Variants in NKAIN3 observed in about 807,000 individuals in gnomAD.
NKAIN3 encodes sodium/potassium transporting ATPase interacting 3, also known as sodium/potassium-transporting ATPase subunit beta-1-interacting protein 3.
Under a neutral mutation model 30.2 loss-of-function variants are expected in NKAIN3, and 25 were observed. That is an observed-to-expected ratio of 0.83 (90% CI 0.60 to 1.16). NKAIN3 has a LOEUF of 1.16. Ranked by LOEUF, NKAIN3 falls within the 50% of genes most tolerant of loss-of-function variation. The pLI is 0.00. For missense variants in NKAIN3, 225 were observed against 254.1 expected, an observed-to-expected ratio of 0.89 and a Z score of 0.78; for synonymous variants, 91 against 89.6, an observed-to-expected ratio of 1.02 and a Z score of -0.09.
At chr8:62,484,842 G>A (rs1430289543) in intron 1 of NKAIN3, among the ~76,000 whole-genome samples, 1 of 152,128 alleles carries the variant, frequency 6.6e-6, no homozygotes, top group African/African-American at 2.4e-5. Context: ...CAGCAAGCCA[G>A]GAACAGACCT....
At chr8:62,378,060 G>A (rs563868786) in intron 1 of NKAIN3, among the ~76,000 whole-genome samples, 1 of 152,176 alleles carries the variant, frequency 6.6e-6, no homozygotes, top group South Asian at 2.1e-4. Flanking sequence ...TTAGAGACTT[G>A]TTGAATTGCT....
At chr8:62,884,461 T>C (rs1199303034) in intron 4 of NKAIN3, among the ~76,000 whole-genome samples, 5 of 152,188 alleles carry the variant, frequency 3.3e-5, no homozygotes, top group Non-Finnish European at 7.3e-5. Flanking sequence ...TTCTCCATGT[T>C]GGTCAGGCTG....
chr8:62,975,918 T>G lies in NKAIN3; in HGVS notation c.*10511T>G, dbSNP rs560379401. ...TGTTGGTTTCAAAGAACTTATTTAT[T>G]TCTGCTGTGATCTCATTATTTTCCC... is the stretch of plus-strand genomic sequence containing the variant. On this transcript the variant is annotated 3_prime_UTR_variant, in exon 7 of 7. Coordinates refer to ENST00000623646, the MANE Select transcript of NKAIN3 (RefSeq NM_001304533.3). Among the ~76,000 whole-genome samples, 1 of 152,352 alleles carries G rather than the reference T, an allele frequency of 6.6e-6. No individual in the cohort carries two copies. Among genetic ancestry groups the G allele is most frequent in the South Asian group, 2.1e-4 (1 of 4,828 alleles).
At chr8:62,954,704 A>G (rs571903287) in intron 6 of NKAIN3, among the ~76,000 whole-genome samples, 1 of 152,344 alleles carries the variant, frequency 6.6e-6, no homozygotes, top group Admixed American at 6.5e-5. Flanking sequence ...GTATAAATTA[A>G]TAATAGCTAT....
chr8:62,455,930 GTA>G (rs1805805722), intron 1 of NKAIN3, among the ~76,000 whole-genome samples: 1 of 152,120 alleles, frequency 6.6e-6, no homozygotes, highest in Non-Finnish European at 1.5e-5. Flanking sequence ...TCAACCCTGT[GTA>G]TACTATGTTT....
intron 1 of NKAIN3, among the ~76,000 whole-genome samples, chr8:62,308,402 A>G (rs4319090): frequency 0.62 from 92,493 of 149,688 alleles, 29,686 homozygotes; most frequent in African/African-American, 0.68. Flanking sequence ...ACTAGTGAGA[A>G]CCTTAATTCA....
At position 62,430,366 on chromosome 8, in the gene NKAIN3, GGTGTGTGT is replaced by G. The variant is rs59837325; in HGVS notation, c.55-149139_55-149132del. 8.5e-3 allele frequency among the ~76,000 whole-genome samples: 1,213 copies of G among 142,548 alleles called. 14 individuals carry two copies. The highest frequency in any genetic ancestry group is 0.024 in the African/African-American group (942 of 38,772). The allele number at this position is 142,548 out of a possible 152,430, so 93.5% of individuals were successfully genotyped here. ...TCTGAGATACATACATATATATTGT[GGTGTGTGT>G]GTGTGTGTGTGTGTGTGTGTGTGTG... On this transcript the variant is annotated intron_variant, in intron 1 of 6. Coordinates refer to ENST00000623646, the MANE Select transcript of NKAIN3 (RefSeq NM_001304533.3).
intron 3 of NKAIN3, among the ~76,000 whole-genome samples, chr8:62,712,777 C>T (rs1814764064): frequency 6.6e-6 from 1 of 152,182 alleles, no homozygotes; most frequent in African/African-American, 2.4e-5. Flanking sequence ...TTACAAAGCT[C>T]AACTAGAGAT....
At chr8:62,609,218 T>G (rs1811215383) in intron 3 of NKAIN3, among the ~76,000 whole-genome samples, 1 of 152,134 alleles carries the variant, frequency 6.6e-6, no homozygotes, top group African/African-American at 2.4e-5. Context: ...GTTGTTTTAT[T>G]ATTAGTTTGC....
chr8:62,923,463 T>C (rs1287588277), intron 5 of NKAIN3, among the ~76,000 whole-genome samples: 1 of 152,242 alleles, frequency 6.6e-6, no homozygotes, highest in Non-Finnish European at 1.5e-5. Context: ...ATTTAGAATT[T>C]AGTGAGATGT....
At chr8:62,998,737 A>C (rs16930072) in intron 5 of NKAIN3, among the ~76,000 whole-genome samples, 20 of 152,082 alleles carry the variant, frequency 1.3e-4, no homozygotes, top group African/African-American at 4.8e-4. Context: ...TCCTTTCACT[A>C]TGGTGGTTGG....
chr8:62,580,681 C>CAA (rs1810259732), intron 2 of NKAIN3, among the ~76,000 whole-genome samples: 4 of 151,958 alleles, frequency 2.6e-5, no homozygotes, highest in Non-Finnish European at 5.9e-5. Context: ...TTTCTTTCAC[C>CAA]ATTTCACAGA....
intron 4 of NKAIN3, among the ~76,000 whole-genome samples, chr8:62,849,708 G>C (rs1819821166): frequency 6.8e-6 from 1 of 147,178 alleles, no homozygotes; most frequent in Non-Finnish European, 1.5e-5. Flanking sequence ...TGCGGTGTTT[G>C]GTTTTTTGTC....
At chr8:62,954,398 T>A (rs534293613) in intron 6 of NKAIN3, among the ~76,000 whole-genome samples, 1 of 152,128 alleles carries the variant, frequency 6.6e-6, no homozygotes, top group African/African-American at 2.4e-5. Flanking sequence ...CACCATACTA[T>A]GGTTTCACAG....
At chr8:62,398,813 C>T (rs182467188) in intron 1 of NKAIN3, among the ~76,000 whole-genome samples, 6 of 152,258 alleles carry the variant, frequency 3.9e-5, no homozygotes, top group South Asian at 2.1e-4. Flanking sequence ...AATTATAGGC[C>T]GGGAGCATTG....
intron 6 of NKAIN3, among the ~76,000 whole-genome samples, chr8:62,960,683 G>A (rs1651422367): frequency 6.6e-6 from 1 of 150,676 alleles, no homozygotes; most frequent in Admixed American, 6.6e-5. Context: ...ATTATGATAA[G>A]TTCTGGGAAG....
At chr8:62,924,944 C>T (rs934748936) in intron 5 of NKAIN3, among the ~76,000 whole-genome samples, 1 of 152,128 alleles carries the variant, frequency 6.6e-6, no homozygotes, top group Non-Finnish European at 1.5e-5. Flanking sequence ...CTAATCACTT[C>T]CCAAAGACTT....
At chr8:62,352,156 G>T (rs1349107809) in intron 1 of NKAIN3, among the ~76,000 whole-genome samples, 1 of 152,160 alleles carries the variant, frequency 6.6e-6, no homozygotes, top group East Asian at 1.9e-4. Context: ...ACTTAGGAGA[G>T]CAGGAAGGGA....
intron 4 of NKAIN3, among the ~76,000 whole-genome samples, chr8:62,813,415 A>T (rs899736736): frequency 6.6e-6 from 1 of 150,652 alleles, no homozygotes; most frequent in Non-Finnish European, 1.5e-5. Context: ...ATTACATTGT[A>T]TCTGTAGACT....
Sources: gnomAD v4.1 joint callset for allele counts (sites outside exome capture counted in the v4.1 genomes callset) on GRCh38, gnomAD v4.1.1 for gene constraint, MANE v1.5 for transcripts, NCBI Gene and HGNC (gene_info 2026-07-23, HGNC 2026-07-21) for gene names.